USP25: variants seen among roughly 807,000 people sequenced by gnomAD.
USP25 encodes ubiquitin carboxyl-terminal hydrolase 25.
A neutral mutation model predicts 158.5 loss-of-function variants in USP25; 85 were observed. That is an observed-to-expected ratio of 0.54 (90% CI 0.45 to 0.64). The LOEUF is 0.64. Among genes scored for constraint, USP25 ranks in the 30% least tolerant of loss-of-function variants. The pLI, the probability that USP25 is intolerant of heterozygous loss-of-function variation, is 0.00. For synonymous variants in USP25, 464 were observed against 460.4 expected (o/e 1.01, Z -0.10); for missense variants, 1,242 against 1,327.3 (o/e 0.94, Z 1.00).
chr21:15,735,876 GGGTCAAATTTTAAA>G (rs2031444047), intron 1 of USP25, among the ~76,000 whole-genome samples: 3 of 151,430 alleles, frequency 2.0e-5, no homozygotes, highest in Admixed American at 1.3e-4. Context: ...ATCTTTTCTA[GGGTCAAATTTTAAA>G]TTTTTTTAGT....
At chr21:15,789,801 A>G (rs1334261500) in intron 4 of USP25, among the ~76,000 whole-genome samples, 1 of 152,092 alleles carries the variant, frequency 6.6e-6, no homozygotes, top group Non-Finnish European at 1.5e-5. Context: ...TACAAAAGGA[A>G]CAAAATTTTC....
intron 6 of USP25, among the ~76,000 whole-genome samples, chr21:15,801,313 C>A (rs191799399): frequency 3.5e-4 from 53 of 151,584 alleles, no homozygotes; most frequent in African/African-American, 1.2e-3. Context: ...TATATCAGAA[C>A]GAGTTGTGAA....
At chr21:15,876,719 T>G (rs575746568) in intron 24 of USP25, 3 of 152,250 alleles carry the variant, frequency 2.0e-5, no homozygotes, top group Admixed American at 6.5e-5. Flanking sequence ...AAGATAAGAT[T>G]TGGGTGGAGA....
chr21:15,853,074 T>C (rs1270791406), intron 20 of USP25, among the ~76,000 whole-genome samples: 2 of 152,202 alleles, frequency 1.3e-5, no homozygotes, highest in African/African-American at 4.8e-5. Flanking sequence ...GCCACTGCCA[T>C]GGCCCTATTG....
chr21:15,853,194 T>C (rs1358900127), intron 20 of USP25, among the ~76,000 whole-genome samples: 1 of 152,206 alleles, frequency 6.6e-6, no homozygotes, highest in Non-Finnish European at 1.5e-5. Flanking sequence ...CATAATATTT[T>C]GTAACTTATA....
chr21:15,802,130 T>C (rs972255693), intron 6 of USP25, among the ~76,000 whole-genome samples: 7 of 151,628 alleles, frequency 4.6e-5, no homozygotes. Context: ...GTATAATATT[T>C]AGTGGAAATC....
rs2039118935 is a variant in USP25 at position 15,855,981 on chromosome 21, G to A, written c.2547+6109G>A. Reference sequence around the variant, plus strand: ...TTTGGAGCTTCATCCATGTTATACAGTTGTCATTTCTTCCCTCTCATGGTA... The same window carrying A: ...TTTGGAGCTTCATCCATGTTATACAATTGTCATTTCTTCCCTCTCATGGTA... On this transcript the variant is annotated intron_variant, in intron 20 of 25. Coordinates refer to ENST00000400183, the MANE Select transcript of USP25 (RefSeq NM_001283041.3). Among the ~76,000 whole-genome samples, 5 of 152,170 alleles carry A rather than the reference G, an allele frequency of 3.3e-5. No homozygotes were observed. The South Asian group carries it at 1.0e-3, about 31-fold the overall frequency.
intron 14 of USP25, among the ~76,000 whole-genome samples, 188 bp downstream of exon 14, chr21:15,827,391 A>G (rs1448695516): frequency 1.3e-5 from 2 of 152,162 alleles, no homozygotes; most frequent in Non-Finnish European, 2.9e-5. Flanking sequence ...GTTCACAGGG[A>G]CCAAAAGATT....
chr21:15,824,455 A>G (rs2037389043), intron 11 of USP25, among the ~76,000 whole-genome samples: 1 of 152,174 alleles, frequency 6.6e-6, no homozygotes, highest in South Asian at 2.1e-4. Context: ...ACAATTTTGA[A>G]TGAATTGATG....
chr21:15,811,640 G>T (rs906942853), intron 9 of USP25, among the ~76,000 whole-genome samples: 20 of 152,184 alleles, frequency 1.3e-4, no homozygotes, highest in African/African-American at 4.8e-4. Context: ...CTTTTTCAGT[G>T]ATTTTAAATG....
chr21:15,810,780 A>G (rs1472789869), intron 8 of USP25, among the ~76,000 whole-genome samples: 1 of 152,212 alleles, frequency 6.6e-6, no homozygotes, highest in Non-Finnish European at 1.5e-5. Context: ...CCCATGTCCA[A>G]ATAAACGTGC....
chr21:15,801,328 A>G (rs1325491288), intron 6 of USP25, among the ~76,000 whole-genome samples: 3 of 151,582 alleles, frequency 2.0e-5, no homozygotes, highest in African/African-American at 4.8e-5. Context: ...TGTGAATACT[A>G]GAGAAATGTG....
intron 5 of USP25, among the ~76,000 whole-genome samples, chr21:15,792,525 A>G (rs1027996634): frequency 2.0e-4 from 31 of 151,698 alleles, no homozygotes; most frequent in African/African-American, 7.0e-4. Context: ...CCTTCATTGG[A>G]CATGCATGCT....
intron 1 of USP25, among the ~76,000 whole-genome samples, chr21:15,758,532 G>A (rs1423106370): frequency 1.3e-5 from 2 of 152,086 alleles, no homozygotes; most frequent in Non-Finnish European, 2.9e-5. Context: ...ACCTTCAGCC[G>A]TGATTGTGAG....
At chr21:15,838,515 C>G (rs541467386) in intron 17 of USP25, among the ~76,000 whole-genome samples, 2 of 152,230 alleles carry the variant, frequency 1.3e-5, no homozygotes, top group Admixed American at 1.3e-4. Flanking sequence ...CCACACCCCT[C>G]AGACTTTCTT....
intron 4 of USP25, among the ~76,000 whole-genome samples, chr21:15,782,089 GC>G (rs1230833641): frequency 6.6e-6 from 1 of 152,214 alleles, no homozygotes; most frequent in Non-Finnish European, 1.5e-5. Context: ...CACAACTGGG[GC>G]CCTGATACCT....
At chr21:15,772,880 C>T (rs1046302123) in intron 3 of USP25, among the ~76,000 whole-genome samples, 3 of 151,926 alleles carry the variant, frequency 2.0e-5, no homozygotes, top group Admixed American at 6.6e-5. Context: ...ATGTGTGGAC[C>T]GTATGTGAGG....
At chr21:15,859,775 C>T (rs909143598) in intron 20 of USP25, among the ~76,000 whole-genome samples, 1 of 151,842 alleles carries the variant, frequency 6.6e-6, no homozygotes, top group Non-Finnish European at 1.5e-5. Flanking sequence ...AATTTTAAAA[C>T]ATTTTTTCTG....
chr21:15,852,085 CTT>C (rs2038915203), intron 20 of USP25, among the ~76,000 whole-genome samples: 1 of 152,214 alleles, frequency 6.6e-6, no homozygotes, highest in South Asian at 2.1e-4. Flanking sequence ...GGTTAATAAA[CTT>C]CAGTGAATCT....
Sources: gnomAD v4.1 joint callset for allele counts (sites outside exome capture counted in the v4.1 genomes callset) on GRCh38, gnomAD v4.1.1 for gene constraint, MANE v1.5 for transcripts, NCBI Gene and HGNC (gene_info 2026-07-23, HGNC 2026-07-21) for gene names.